PPP3R1: variants seen among roughly 807,000 people sequenced by gnomAD.
The protein encoded by PPP3R1 is protein phosphatase 3 regulatory subunit B, alpha, also known as calcineurin subunit B type 1.
Under a neutral mutation model 22.6 loss-of-function variants are expected in PPP3R1, and 5 were observed. The ratio of observed to expected loss-of-function variants is 0.22; its 90% CI spans 0.12 to 0.46. The LOEUF is 0.46. Among genes scored for constraint, PPP3R1 ranks in the 20% least tolerant of loss-of-function variants. The pLI is 0.99. For synonymous variants in PPP3R1, 56 were observed against 65.2 expected (o/e 0.86, Z 0.68); for missense variants, 61 against 203.2 (o/e 0.30, Z 4.25).
chr2:68,230,348 C>A (rs1669871728), intron 1 of PPP3R1, among the ~76,000 whole-genome samples: 1 of 152,090 alleles, frequency 6.6e-6, no homozygotes. Context: ...TTTTAAATTC[C>A]ATTTTGATTT....
intron 1 of PPP3R1, among the ~76,000 whole-genome samples, chr2:68,230,445 G>C (rs1207913548): frequency 7.2e-6 from 1 of 138,364 alleles, no homozygotes; most frequent in Non-Finnish European, 1.6e-5. Flanking sequence ...CAATCTCATT[G>C]GTATCATCAT....
At chr2:68,243,183 G>C (rs1042908015) in intron 1 of PPP3R1, among the ~76,000 whole-genome samples, 1 of 152,098 alleles carries the variant, frequency 6.6e-6, no homozygotes, top group Non-Finnish European at 1.5e-5. Context: ...TAAATTATTA[G>C]TGCTAAATTT....
intron 2 of PPP3R1, among the ~76,000 whole-genome samples, chr2:68,209,346 G>T (rs190097147): frequency 1.0e-5 from 1 of 95,288 alleles, no homozygotes; most frequent in Non-Finnish European, 2.0e-5. Context: ...GCGACAGAGC[G>T]AGACTCTGTC....
intron 2 of PPP3R1, among the ~76,000 whole-genome samples, chr2:68,210,440 G>A (rs1480815727): frequency 6.6e-6 from 1 of 152,052 alleles, no homozygotes; most frequent in Non-Finnish European, 1.5e-5. Flanking sequence ...CCAAAGTTCT[G>A]CCTTCAATAA....
chr2:68,199,654 C>T (rs1360304216), intron 2 of PPP3R1, among the ~76,000 whole-genome samples: 1 of 152,160 alleles, frequency 6.6e-6, no homozygotes, highest in African/African-American at 2.4e-5. Flanking sequence ...TCCCAATTCG[C>T]TAATATCATG....
intron 2 of PPP3R1, among the ~76,000 whole-genome samples, chr2:68,198,199 T>C (rs867730789): frequency 6.9e-6 from 1 of 144,120 alleles, no homozygotes. Context: ...TATATTTACA[T>C]ATATGTGCAT....
chr2:68,243,016 G>C (rs547225643), intron 1 of PPP3R1, among the ~76,000 whole-genome samples: 1 of 152,200 alleles, frequency 6.6e-6, no homozygotes, highest in South Asian at 2.1e-4. Context: ...ACCAACACCA[G>C]AAAAACAAGT....
In PPP3R1 at chr2:68,210,725, A is replaced by AATTC. The variant is rs557497465; in HGVS notation, c.43+6363_43+6366dup. On this transcript the variant is annotated intron_variant, in intron 2 of 5. Coordinates refer to ENST00000234310, the MANE Select transcript of PPP3R1 (RefSeq NM_000945.4). The stretch of plus-strand genomic sequence containing the variant: ...GAGCCTGGGTTGAACTTTTAGGAAA[A>AATTC]ATTCACAAAACCAAACTACAGAACG... Among the ~76,000 whole-genome samples, 25 of 152,320 alleles carry AATTC rather than the reference A, an allele frequency of 1.6e-4. No homozygotes were observed. The South Asian group carries it at 2.9e-3, about 18-fold the overall frequency.
chr2:68,196,700 A>C (rs1674782778), intron 2 of PPP3R1, among the ~76,000 whole-genome samples: 1 of 152,140 alleles, frequency 6.6e-6, no homozygotes, highest in Non-Finnish European at 1.5e-5. Context: ...ATCACCACCA[A>C]CAAAAGAAGT....
At chr2:68,204,112 A>G (rs937413964) in intron 2 of PPP3R1, among the ~76,000 whole-genome samples, 5 of 152,134 alleles carry the variant, frequency 3.3e-5, no homozygotes, top group Non-Finnish European at 5.9e-5. Flanking sequence ...TCTTCTGCTT[A>G]AATTATCTAA....
chr2:68,202,624 C>T (rs1018524670), intron 2 of PPP3R1, among the ~76,000 whole-genome samples: 13 of 150,910 alleles, frequency 8.6e-5, no homozygotes, highest in Admixed American at 4.0e-4. Context: ...GAGGTTTCAC[C>T]ATGTTGGCCA....
chr2:68,251,291 T>C (rs566671543), intron 1 of PPP3R1: 15 of 152,106 alleles, frequency 9.9e-5, no homozygotes, highest in African/African-American at 3.6e-4. Context: ...TAGGGATTAA[T>C]GTGAGGGTAA....
chr2:68,190,672 C>T (rs1046745372), intron 2 of PPP3R1, among the ~76,000 whole-genome samples: 2 of 152,126 alleles, frequency 1.3e-5, no homozygotes, highest in African/African-American at 4.8e-5. Flanking sequence ...TTAAGAACCT[C>T]AAGTCTTTCT....
intron 2 of PPP3R1, among the ~76,000 whole-genome samples, chr2:68,209,663 T>A (rs1057512249): frequency 2.0e-5 from 3 of 151,512 alleles, no homozygotes; most frequent in Admixed American, 6.6e-5. Context: ...GAGGCTGAGG[T>A]AGGAGAATCG....
At chr2:68,191,466 G>A (rs907448931) in intron 2 of PPP3R1, among the ~76,000 whole-genome samples, 1 of 152,234 alleles carries the variant, frequency 6.6e-6, no homozygotes, top group African/African-American at 2.4e-5. Flanking sequence ...AAAGGAGCTT[G>A]TGGGACAGAA....
intron 5 of PPP3R1, among the ~76,000 whole-genome samples, chr2:68,182,108 G>A (rs1674423538): frequency 7.9e-6 from 1 of 126,440 alleles, no homozygotes; most frequent in Non-Finnish European, 1.6e-5. Flanking sequence ...ACGACCAGTA[G>A]CTACTATTTT....
At chr2:68,186,905 A>C (rs1674558658) in intron 4 of PPP3R1, among the ~76,000 whole-genome samples, 1 of 152,218 alleles carries the variant, frequency 6.6e-6, no homozygotes, top group Non-Finnish European at 1.5e-5. Flanking sequence ...GTTTCTACAC[A>C]GATAAAACTG....
In PPP3R1 at chr2:68,230,878, C is replaced by A. The variant is rs1669883903; in HGVS notation, c.4-13747G>T. 3.3e-5 allele frequency among the ~76,000 whole-genome samples: 5 copies of A among 152,290 alleles called. No individual in the cohort carries two copies. In the South Asian group the frequency reaches 1.0e-3, roughly 32 times the overall value. On this transcript the variant is annotated intron_variant, in intron 1 of 5. Transcript: ENST00000234310. ...CTATCATTTGAACTGTTTTCCACAT[C>A]TACATGAAGTGTAATTTCTCTCGTG...
At chr2:68,198,061 G>T (rs1674829833) in intron 2 of PPP3R1, among the ~76,000 whole-genome samples, 3 of 9,964 alleles carry the variant, frequency 3.0e-4, no homozygotes, top group South Asian at 3.0e-3. Flanking sequence ...GGCACCTTTG[G>T]CAAAAAAAAA....
Sources: gnomAD v4.1 joint callset for allele counts (sites outside exome capture counted in the v4.1 genomes callset) on GRCh38, gnomAD v4.1.1 for gene constraint, MANE v1.5 for transcripts, NCBI Gene and HGNC (gene_info 2026-07-23, HGNC 2026-07-21) for gene names.